RFX3: variants seen among roughly 807,000 people sequenced by gnomAD.
RFX3 encodes transcription factor RFX3.
In RFX3, 14 loss-of-function variants were observed where a neutral mutation model predicts 98.6. That is an observed-to-expected ratio of 0.14 (90% CI 0.09 to 0.22). The LOEUF (loss-of-function observed/expected upper bound fraction) is 0.22, where lower values mean the gene tolerates loss of function less well. RFX3 is among the 10% of genes least tolerant of loss of function. RFX3 has a pLI of 1.00. For missense variants in RFX3, 639 were observed against 926.9 expected (o/e 0.69, Z 4.03); for synonymous variants, 383 against 328.4 (o/e 1.17, Z -1.80).
At chr9:3,378,915 T>C (rs1055887009) in intron 2 of RFX3, among the ~76,000 whole-genome samples, 1 of 152,180 alleles carries the variant, frequency 6.6e-6, no homozygotes, top group African/African-American at 2.4e-5. Context: ...TGCTCCATTT[T>C]GGATACATCA....
chr9:3,316,658 G>C (rs1042730459), intron 4 of RFX3, among the ~76,000 whole-genome samples: 1 of 152,194 alleles, frequency 6.6e-6, no homozygotes, highest in Non-Finnish European at 1.5e-5. Flanking sequence ...TCCTTAAGCT[G>C]ATAAGCAACT....
chr9:3,236,564 C>A (rs765820781), intron 15 of RFX3, among the ~76,000 whole-genome samples: 8 of 152,214 alleles, frequency 5.3e-5, no homozygotes, highest in Non-Finnish European at 1.0e-4. Context: ...TGTGTCAGCA[C>A]TTCTCAATGG....
At chr9:3,372,205 T>C (rs1412230212) in intron 2 of RFX3, among the ~76,000 whole-genome samples, 1 of 152,182 alleles carries the variant, frequency 6.6e-6, no homozygotes, top group Admixed American at 6.5e-5. Flanking sequence ...CCTGTATCTC[T>C]CTGCCTATGA....
intron 2 of RFX3, among the ~76,000 whole-genome samples, chr9:3,387,943 T>C (rs1482970829): frequency 2.6e-5 from 4 of 152,160 alleles, no homozygotes; most frequent in Non-Finnish European, 5.9e-5. Context: ...ATCTTGGGCA[T>C]AGCTCCCCAA....
intron 1 of RFX3, among the ~76,000 whole-genome samples, chr9:3,493,862 C>T (rs1202682062): frequency 6.6e-6 from 1 of 151,762 alleles, no homozygotes; most frequent in African/African-American, 2.4e-5. Flanking sequence ...CAAAATCATA[C>T]TTGCCTCTAT....
In RFX3 at chr9:3,219,249, G is replaced by A. The variant is rs1035761102; in HGVS notation, c.*5793C>T. 30 of 152,074 alleles carry A rather than the reference G, an allele frequency of 2.0e-4. No individual in the cohort carries two copies. Among genetic ancestry groups the A allele is most frequent in the African/African-American group, 6.8e-4 (28 of 41,424 alleles). The allele number at this position is 152,074 out of a possible 1,614,324, so 9.4% of individuals were successfully genotyped here. On this transcript the variant is annotated 3_prime_UTR_variant, in exon 17 of 17. Transcript: ENST00000617270. ...TTTAGCAAGTTAAAACAAGGCGATC[G>A]TTTCTTCAAAAATACTAATTTACTG...
At chr9:3,226,132 A>T (rs1329222559) in intron 16 of RFX3, among the ~76,000 whole-genome samples, 1 of 152,228 alleles carries the variant, frequency 6.6e-6, no homozygotes, top group African/African-American at 2.4e-5. Flanking sequence ...GAGTCTCCTC[A>T]GAATACCTCT....
Position 3,225,219 on chromosome 9 carries a change from T to C in RFX3, c.2073A>G (p.Gln691=). 6.2e-7 allele frequency: 1 copy of C among 1,613,922 alleles called. No individual in the cohort carries two copies. The highest frequency in any genetic ancestry group is 2.2e-5 in the East Asian group (1 of 44,844). ...DEELDDSSEP[Q]AKREKTELSQ... is the part of the protein sequence containing the mutation. ...TCAGCTCTGTTTTCTCTCTTTTGGC[T>C]TGAGGCTCTGAAGAGTCATCCAGTT... Residue 691 remains glutamine (Q), a synonymous_variant, in exon 17 of 17, where the codon CAA becomes CAG. Coordinates refer to ENST00000617270, the MANE Select transcript of RFX3 (RefSeq NM_001282116.2).
At chr9:3,353,332 A>C (rs1213726923) in intron 2 of RFX3, among the ~76,000 whole-genome samples, 1 of 152,040 alleles carries the variant, frequency 6.6e-6, no homozygotes, top group Non-Finnish European at 1.5e-5. Flanking sequence ...ATGTACCCTA[A>C]AACTTAAAGT....
chr9:3,278,222 T>TA (rs1382315445), intron 7 of RFX3, among the ~76,000 whole-genome samples: 1 of 151,474 alleles, frequency 6.6e-6, no homozygotes, highest in Non-Finnish European at 1.5e-5. Context: ...AAATATCATA[T>TA]AAAAAAACAA....
chr9:3,447,010 G>A (rs1381415158), intron 1 of RFX3, among the ~76,000 whole-genome samples: 3 of 152,018 alleles, frequency 2.0e-5, no homozygotes, highest in African/African-American at 7.2e-5. Flanking sequence ...TGACAACAAA[G>A]CATTACTTAT....
chr9:3,419,409 C>A (rs968136268), intron 1 of RFX3, among the ~76,000 whole-genome samples: 1 of 152,048 alleles, frequency 6.6e-6, no homozygotes, highest in African/African-American at 2.4e-5. Flanking sequence ...ATATTTTTTA[C>A]TAAGTATCTT....
At chr9:3,311,401 C>G (rs777998684) in intron 4 of RFX3, among the ~76,000 whole-genome samples, 3 of 152,200 alleles carry the variant, frequency 2.0e-5, no homozygotes, top group Non-Finnish European at 2.9e-5. Context: ...ACCACTCACA[C>G]CTGTGTGAAA....
At chr9:3,287,498 T>C (rs1053443129) in intron 7 of RFX3, among the ~76,000 whole-genome samples, 4 of 151,986 alleles carry the variant, frequency 2.6e-5, no homozygotes, top group African/African-American at 9.7e-5. Context: ...CTGGGACTCA[T>C]CTGAAAAAAC....
intron 2 of RFX3, among the ~76,000 whole-genome samples, chr9:3,353,034 C>A (rs893328008): frequency 4.1e-4 from 63 of 152,136 alleles, no homozygotes; most frequent in African/African-American, 1.5e-3. Context: ...ATGATGAGTT[C>A]ACGTCCTTTG....
intron 4 of RFX3, among the ~76,000 whole-genome samples, chr9:3,314,395 C>T (rs1830328798): frequency 6.6e-6 from 1 of 152,196 alleles, no homozygotes; most frequent in East Asian, 1.9e-4. Context: ...AAACAAATAA[C>T]TGGTACCAGC....
chr9:3,366,708 TTC>T (rs1491234765), intron 2 of RFX3, among the ~76,000 whole-genome samples: 1 of 125,726 alleles, frequency 8.0e-6, no homozygotes, highest in Non-Finnish European at 1.6e-5. Flanking sequence ...CTTTCTTTCT[TTC>T]TTTCTTTCTT....
At chr9:3,301,515 G>A (rs747136323) in intron 5 of RFX3, 31 bp downstream of exon 5, 3 of 1,463,780 alleles carry the variant, frequency 2.0e-6, no homozygotes, top group Non-Finnish European at 2.9e-6. Context: ...ACAAGCAAGA[G>A]ATTAGTGTAC....
rs191990060 is a variant in RFX3 at position 3,246,019 on chromosome 9, T to C, written c.1968+2013A>G. Among the ~76,000 whole-genome samples, 86 of 152,304 alleles carry C rather than the reference T, an allele frequency of 5.6e-4. 1 individual carries two copies. In the East Asian group the frequency reaches 0.013, roughly 24 times the overall value. ...TCAAGAAATTTTAGATATGATAGTA[T>C]GACCATGGCCAATAGATCTATGAGA... On this transcript the variant is annotated intron_variant, in intron 15 of 16. Coordinates refer to ENST00000617270, the MANE Select transcript of RFX3 (RefSeq NM_001282116.2).
Sources: gnomAD v4.1 joint callset for allele counts (sites outside exome capture counted in the v4.1 genomes callset) on GRCh38, gnomAD v4.1.1 for gene constraint, MANE v1.5 for transcripts, NCBI Gene and HGNC (gene_info 2026-07-23, HGNC 2026-07-21) for gene names.